The following KCNH5 variants were observed in gnomAD, a reference collection of about 807,000 sequenced individuals.
KCNH5 encodes the protein voltage-gated delayed rectifier potassium channel KCNH5.
In KCNH5, 46 loss-of-function variants were observed where a neutral mutation model predicts 96.1. The observed-to-expected ratio is 0.48, with a 90% confidence interval of 0.38 to 0.61. The LOEUF is 0.61. Ranked by LOEUF, KCNH5 falls within the 20% of genes least tolerant of loss-of-function variation. The pLI is 0.00. For missense variants in KCNH5, 907 were observed against 1,225.8 expected, an observed-to-expected ratio of 0.74 and a Z score of 3.88; for synonymous variants, 439 against 449.8, an observed-to-expected ratio of 0.98 and a Z score of 0.30.
intron 10 of KCNH5, among the ~76,000 whole-genome samples, chr14:62,762,379 C>T (rs1426605643): frequency 2.6e-5 from 4 of 152,144 alleles, no homozygotes; most frequent in African/African-American, 9.6e-5. Flanking sequence ...GGCCATTTCC[C>T]AGCAACTGCT....
intron 6 of KCNH5, among the ~76,000 whole-genome samples, chr14:62,961,274 C>CAT (rs763025985): frequency 1.2e-4 from 19 of 152,144 alleles, no homozygotes; most frequent in Non-Finnish European, 2.6e-4. Context: ...TACACTCTGT[C>CAT]ATATAGGACT....
chr14:62,832,245 T>A (rs1887367859), intron 8 of KCNH5, among the ~76,000 whole-genome samples: 1 of 152,220 alleles, frequency 6.6e-6, no homozygotes, highest in Non-Finnish European at 1.5e-5. Flanking sequence ...CTCTAGAACT[T>A]AATCATCTTG....
intron 7 of KCNH5, among the ~76,000 whole-genome samples, chr14:62,869,379 GT>G (rs531475423): frequency 8.6e-4 from 123 of 143,412 alleles, no homozygotes; most frequent in African/African-American, 2.3e-3. Context: ...TTTTGATGGG[GT>G]TTTTTTTTTT....
At chr14:63,009,757 C>T (rs1891191302) in intron 2 of KCNH5, among the ~76,000 whole-genome samples, 1 of 152,104 alleles carries the variant, frequency 6.6e-6, no homozygotes, top group South Asian at 2.1e-4. Context: ...GTGGGTATGG[C>T]ACATTTGTTT....
At position 62,707,722 on chromosome 14, in the gene KCNH5, T is replaced by C; in HGVS notation, c.2753A>G (p.Lys918Arg). 2 of 1,608,714 alleles carry C rather than the reference T, an allele frequency of 1.2e-6. No individual in the cohort carries two copies. The highest frequency in any genetic ancestry group is 1.3e-5 in the African/African-American group (1 of 74,928). The change falls in exon 11 of 11, where the codon AAA becomes AGA. Residue 918 changes from lysine to arginine, a missense_variant. Lys to Arg is a conservative substitution (Grantham distance 26). This residue lies in a region of KCNH5 where 362 missense variants were observed against 394.4 expected (regional missense o/e 0.92). Transcript: ENST00000322893. Reference sequence around the variant, plus strand: ...GCAGCTGAGCAGCTGGATGTCCTCTTTGAGTTCGTGTTTGACTTCCTGCAG... The same window carrying C: ...GCAGCTGAGCAGCTGGATGTCCTCTCTGAGTTCGTGTTTGACTTCCTGCAG... ...TTLQEVKHEL[K>R]EDIQLLSCRM...
At chr14:62,989,887 C>T (rs570480468) in intron 4 of KCNH5, among the ~76,000 whole-genome samples, 1 of 152,100 alleles carries the variant, frequency 6.6e-6, no homozygotes, top group Admixed American at 6.6e-5. Context: ...CTTTGGATGA[C>T]AGTAACTATA....
intron 8 of KCNH5, among the ~76,000 whole-genome samples, chr14:62,808,218 G>C (rs1459491233): frequency 6.6e-6 from 1 of 152,098 alleles, no homozygotes; most frequent in East Asian, 1.9e-4. Context: ...AGAAGGCCTG[G>C]GAATGTGGAT....
chr14:62,981,073 C>G lies in KCNH5; in HGVS notation c.741G>C (p.Trp247Cys). The G allele has an allele frequency of 6.2e-7, 1 of 1,614,114 alleles. No individual in the cohort carries two copies. Among genetic ancestry groups the G allele is most frequent in the Non-Finnish European group, 8.5e-7 (1 of 1,180,008 alleles). ...CGTCCACCACACTATCCAGTACCAG[C>G]CAGGCTATGTTGTTCTGCTTTGTTT... Reference protein sequence around the residue: ...SFKTKQNNIAWLVLDSVVDVI... With the variant: ...SFKTKQNNIACLVLDSVVDVI... Residue 247 changes from tryptophan to cysteine, a missense_variant, in exon 6 of 11, where the codon TGG becomes TGC. Trp to Cys is a radical substitution (Grantham distance 215). Coordinates refer to ENST00000322893, the MANE Select transcript of KCNH5 (RefSeq NM_139318.5).
At chr14:62,712,606 C>T in intron 10 of KCNH5, 1 of 739,684 alleles carries the variant, frequency 1.4e-6, no homozygotes, top group Non-Finnish European at 2.5e-6. Flanking sequence ...TATACTTTCT[C>T]CTGGACTCCG....
intron 10 of KCNH5, among the ~76,000 whole-genome samples, chr14:62,751,615 G>A (rs1042982148): frequency 1.3e-5 from 2 of 152,174 alleles, no homozygotes; most frequent in Non-Finnish European, 2.9e-5. Context: ...CCCAAGGCAT[G>A]GTGACTCAGA....
Position 62,868,914 on chromosome 14 carries a change from A to G in KCNH5, c.1370-19062T>C, listed in dbSNP as rs1888193422. Among the ~76,000 whole-genome samples, 4 of 151,998 alleles carry G rather than the reference A, an allele frequency of 2.6e-5. No individual in the cohort carries two copies. In the South Asian group the frequency reaches 8.3e-4, roughly 32 times the overall value. On this transcript the variant is annotated intron_variant, in intron 7 of 10. Coordinates refer to ENST00000322893, the MANE Select transcript of KCNH5 (RefSeq NM_139318.5). ...GTATTCCATGATGTATATGTGCCAC[A>G]TTTTCTTTATCCAGTCTATCACTGA...
intron 10 of KCNH5, among the ~76,000 whole-genome samples, chr14:62,760,025 T>A (rs2139954554): frequency 6.6e-6 from 1 of 152,244 alleles, no homozygotes; most frequent in Middle Eastern, 3.4e-3. Flanking sequence ...ACTTGGTGAC[T>A]CTCAGGTACA....
At chr14:62,714,252 G>A (rs1018871675) in intron 10 of KCNH5, among the ~76,000 whole-genome samples, 2 of 152,052 alleles carry the variant, frequency 1.3e-5, no homozygotes, top group African/African-American at 4.8e-5. Context: ...TCATGCCATT[G>A]CATGTCAGCC....
At chr14:62,817,260 T>A (rs1458878027) in intron 8 of KCNH5, among the ~76,000 whole-genome samples, 1 of 132,984 alleles carries the variant, frequency 7.5e-6, no homozygotes, top group Non-Finnish European at 1.6e-5. Flanking sequence ...CATATATATA[T>A]AATATATATA....
chr14:62,819,677 G>T (rs963025085), intron 8 of KCNH5, among the ~76,000 whole-genome samples: 2 of 152,114 alleles, frequency 1.3e-5, no homozygotes, highest in African/African-American at 4.8e-5. Flanking sequence ...GTAATTGCCT[G>T]AACAAGGCAT....
intron 7 of KCNH5, among the ~76,000 whole-genome samples, chr14:62,904,090 G>A (rs1888981962): frequency 6.6e-6 from 1 of 152,054 alleles, no homozygotes; most frequent in South Asian, 2.1e-4. Flanking sequence ...CATACCTGAT[G>A]CATTTGTCAC....
chr14:62,807,728 TG>T (rs1886796218), intron 8 of KCNH5, among the ~76,000 whole-genome samples: 1 of 152,020 alleles, frequency 6.6e-6, no homozygotes, highest in African/African-American at 2.4e-5. Context: ...CGTAAATTCT[TG>T]TCCTAAAGTA....
rs779644836 is a variant in KCNH5 at position 62,969,757 on chromosome 14, ATTTTTTTTT to A, written c.942+11106_942+11114del. ...TATCCCAGAACTTAAAATAAAATTAATTTTTTTTTTTTTTTTTTTTTTGGCTGGGCGCAG... is the reference window on the plus strand; with the variant it reads ...TATCCCAGAACTTAAAATAAAATTAATTTTTTTTTTTTTGGCTGGGCGCAG... On this transcript the variant is annotated intron_variant, in intron 6 of 10. Coordinates refer to ENST00000322893, the MANE Select transcript of KCNH5 (RefSeq NM_139318.5). Among the ~76,000 whole-genome samples the A allele has an allele frequency of 7.2e-4, 82 of 113,916 alleles. 1 individual carries two copies. Among genetic ancestry groups the A allele is most frequent in the African/African-American group, 2.9e-3 (81 of 28,274 alleles). 74.7% of individuals were successfully genotyped at this position (113,916 alleles called of 152,430 possible).
At chr14:62,873,942 G>A (rs1277738373) in intron 7 of KCNH5, among the ~76,000 whole-genome samples, 1 of 152,138 alleles carries the variant, frequency 6.6e-6, no homozygotes, top group Non-Finnish European at 1.5e-5. Flanking sequence ...CTTGCAACAT[G>A]ACATCATATT....
Sources: allele counts gnomAD v4.1 joint callset (sites outside exome capture counted in the v4.1 genomes callset), GRCh38; gene constraint gnomAD v4.1.1; regional missense constraint gnomAD v4.1.1; transcripts MANE v1.5; gene names NCBI Gene and HGNC (gene_info 2026-07-23, HGNC 2026-07-21).